Variants in PARVB observed in about 807,000 individuals in gnomAD.
The protein encoded by PARVB is parvin beta, also known as beta-parvin.
PARVB carries 46 observed loss-of-function variants against 47.0 expected under a neutral mutation model. The observed-to-expected ratio is 0.98, with a 90% CI of 0.77 to 1.25. PARVB has a LOEUF of 1.25. PARVB is among the 50% of genes most tolerant of loss of function. PARVB has a pLI of 0.00. For missense variants in PARVB, 473 were observed against 471.6 expected (o/e 1.00, Z -0.03); for synonymous variants, 196 against 196.3 (o/e 1.00, Z 0.01).
In PARVB at chr22:44,089,776, C is replaced by T. The variant is rs2052120348; in HGVS notation, c.113-4152C>T. ...CCAGGCTGCAAAATATAGCAAGGCC[C>T]AGAAGGGCATCCCTCAAACCTTCAT... On this transcript the variant is annotated intron_variant, in intron 1 of 12. Transcript: ENST00000338758. The surrounding 1 kb of genome is among the most constrained non-coding windows in gnomAD (Gnocchi z 4.0). 6.6e-6 allele frequency among the ~76,000 whole-genome samples: 1 copy of T among 152,224 alleles called. No homozygotes were observed. The highest frequency in any genetic ancestry group is 2.1e-4 in the South Asian group (1 of 4,834).
chr22:44,078,434 A>G (rs2051824888), intron 1 of PARVB, among the ~76,000 whole-genome samples: 1 of 152,198 alleles, frequency 6.6e-6, no homozygotes, highest in Non-Finnish European at 1.5e-5. Context: ...TTTCCTGGCC[A>G]GGGTTACCAT....
intron 1 of PARVB, among the ~76,000 whole-genome samples, chr22:44,037,424 AAAAAAC>A (rs1375143786): frequency 5.3e-5 from 8 of 152,306 alleles, no homozygotes; most frequent in South Asian, 4.1e-4. Flanking sequence ...CCCTGTCTCA[AAAAAAC>A]AAAAACAAAA....
intron 8 of PARVB, chr22:44,146,750 G>A (rs2053694236): frequency 6.6e-6 from 1 of 152,328 alleles, no homozygotes; most frequent in African/African-American, 2.4e-5. Context: ...CGGGTGGGAG[G>A]AGCTTCCTAC....
intron 2 of PARVB, among the ~76,000 whole-genome samples, chr22:44,099,042 C>G (rs1366347379): frequency 6.6e-6 from 1 of 152,154 alleles, no homozygotes; most frequent in African/African-American, 2.4e-5. Context: ...TGTCTGGGCT[C>G]TGGGACCCTG....
At chr22:44,029,012 G>T (rs1248047278) in intron 1 of PARVB, among the ~76,000 whole-genome samples, 4 of 152,014 alleles carry the variant, frequency 2.6e-5, no homozygotes, top group East Asian at 1.9e-4. Context: ...TTGAGATAGG[G>T]TCTCACTGTA....
chr22:44,055,676 C>CTATATATATATA (rs1354059126), intron 1 of PARVB, among the ~76,000 whole-genome samples: 5 of 137,832 alleles, frequency 3.6e-5, no homozygotes, highest in African/African-American at 1.4e-4. Context: ...CTCTCTCTCT[C>CTATATATATATA]TCTATATATA....
At position 44,132,991 on chromosome 22, in the gene PARVB, G is replaced by A. The variant is rs775946672; in HGVS notation, c.615G>A (p.Val205=). The A allele has an allele frequency of 3.7e-6, 6 of 1,613,714 alleles. No homozygotes were observed. In the Admixed American group the frequency reaches 1.0e-4, roughly 27 times the overall value. ...TCCGCCTTCCTGAGCATGTAACGGT[G>A]CAGGTGGTGGTCGTGCGGGTGAGTA... ...APIRLPEHVT[V]QVVVVRKREG... The change falls in exon 6 of 13, where the codon GTG becomes GTA. Residue 205 remains valine (V), a synonymous_variant. Coordinates refer to ENST00000338758, the MANE Select transcript of PARVB (RefSeq NM_013327.5).
At chr22:44,033,645 G>A (rs890830454) in intron 1 of PARVB, among the ~76,000 whole-genome samples, 5 of 152,126 alleles carry the variant, frequency 3.3e-5, no homozygotes, top group Admixed American at 2.0e-4. Flanking sequence ...ACAATCAGTC[G>A]GTAATGTTGG....
chr22:44,151,553 T>A lies in PARVB; in HGVS notation c.843+2T>A. ...GAGGTGACGGAACTGGAGACCCAGGTATGTGCTGCTTTGGCTTGAAGGATC... is the reference window on the plus strand; with the variant it reads ...GAGGTGACGGAACTGGAGACCCAGGAATGTGCTGCTTTGGCTTGAAGGATC... On this transcript the variant is annotated splice_donor_variant, in intron 10 of 12. Transcript: ENST00000338758. LOFTEE classifies it high-confidence loss of function. The A allele has an allele frequency of 6.2e-7, 1 of 1,611,318 alleles. No individual in the cohort carries two copies. Among genetic ancestry groups the A allele is most frequent in the Non-Finnish European group, 8.5e-7 (1 of 1,177,460 alleles).
At chr22:44,037,570 G>A (rs567915363) in intron 1 of PARVB, among the ~76,000 whole-genome samples, 4 of 152,228 alleles carry the variant, frequency 2.6e-5, no homozygotes, top group African/African-American at 9.6e-5. Context: ...CTGGGAAGTC[G>A]GTGTTATGTG....
intron 1 of PARVB, among the ~76,000 whole-genome samples, chr22:44,080,538 A>G (rs2051876887): frequency 6.6e-6 from 1 of 151,988 alleles, no homozygotes; most frequent in African/African-American, 2.4e-5. Flanking sequence ...TGTCAATCAC[A>G]TTGGGCCCCC....
intron 1 of PARVB, among the ~76,000 whole-genome samples, chr22:44,060,667 A>T (rs1693893400): frequency 6.6e-6 from 1 of 151,984 alleles, no homozygotes; most frequent in Non-Finnish European, 1.5e-5. Flanking sequence ...GGCGAAGGAG[A>T]GGTCTCATAG....
At position 44,049,722 on chromosome 22, in the gene PARVB, T is replaced by G. The variant is rs961633072; in HGVS notation, c.112+25271T>G. On this transcript the variant is annotated intron_variant, in intron 1 of 12. Transcript: ENST00000338758. The surrounding 1 kb of genome is among the most constrained non-coding windows in gnomAD (Gnocchi z 4.0). The stretch of plus-strand genomic sequence containing the variant: ...GGGGCTGCCATAGCCCTGGAGATAC[T>G]GGCTGGAAATCAAATTCAAATTGGT... Among the ~76,000 whole-genome samples, 6 of 152,256 alleles carry G rather than the reference T, an allele frequency of 3.9e-5. No individual in the cohort carries two copies. Among genetic ancestry groups the G allele is most frequent in the Admixed American group, 6.5e-5 (1 of 15,292 alleles).
intron 6 of PARVB, among the ~76,000 whole-genome samples, chr22:44,134,192 A>T (rs12484169): frequency 0.069 from 10,532 of 151,934 alleles, 624 homozygotes; most frequent in South Asian, 0.26. Flanking sequence ...CTCAGTCTTG[A>T]CCGGACGGGA....
At chr22:44,069,140 C>T (rs369853280) in intron 1 of PARVB, 127 of 1,612,462 alleles carry the variant, frequency 7.9e-5, no homozygotes, top group Non-Finnish European at 9.3e-5. Flanking sequence ...GCAGAGCTGC[C>T]GCCAGCTGCA....
chr22:44,031,030 G>T (rs2050817343), intron 1 of PARVB, among the ~76,000 whole-genome samples: 1 of 152,184 alleles, frequency 6.6e-6, no homozygotes, highest in Admixed American at 6.5e-5. Flanking sequence ...CCTATTTGGA[G>T]CTGTTGTGTT....
intron 1 of PARVB, among the ~76,000 whole-genome samples, chr22:44,065,861 G>A (rs1233349341): frequency 6.8e-6 from 1 of 147,946 alleles, no homozygotes; most frequent in Non-Finnish European, 1.5e-5. Flanking sequence ...GTGTGTGCAT[G>A]TGTGTGTGTG....
chr22:44,141,529 C>T (rs2053552218), intron 8 of PARVB: 1 of 152,214 alleles, frequency 6.6e-6, no homozygotes. Context: ...GTGGTGCCCA[C>T]CTGGATTAAG....
chr22:44,128,130 C>T (rs923941728), intron 4 of PARVB, among the ~76,000 whole-genome samples: 1 of 152,234 alleles, frequency 6.6e-6, no homozygotes, highest in African/African-American at 2.4e-5. Flanking sequence ...GCCGGGTTCT[C>T]TGCCACATGC....
Sources: gnomAD v4.1 joint callset for allele counts (sites outside exome capture counted in the v4.1 genomes callset) on GRCh38, gnomAD v4.1.1 for gene constraint, Gnocchi (gnomAD v3.1) non-coding constraint, MANE v1.5 for transcripts, NCBI Gene and HGNC (gene_info 2026-07-23, HGNC 2026-07-21) for gene names.